Variants in SLIT1 observed in about 807,000 individuals in gnomAD.
The protein encoded by SLIT1 is slit homolog 1 protein.
Under a neutral mutation model 186.1 loss-of-function variants are expected in SLIT1, and 66 were observed. That is an observed-to-expected ratio of 0.35 (90% CI 0.29 to 0.44). SLIT1 has a LOEUF of 0.44. Ranked by LOEUF, SLIT1 falls within the 20% of genes least tolerant of loss-of-function variation. SLIT1 has a pLI of 1.00. For synonymous variants in SLIT1, 761 were observed against 833.8 expected, an observed-to-expected ratio of 0.91 and a Z score of 1.50; for missense variants, 1,638 against 2,037.4, an observed-to-expected ratio of 0.80 and a Z score of 3.77.
At chr10:97,097,977 C>T (rs1849309237) in intron 4 of SLIT1, among the ~76,000 whole-genome samples, 1 of 152,186 alleles carries the variant, frequency 6.6e-6, no homozygotes, top group East Asian at 1.9e-4. Context: ...TTAATGTTAT[C>T]ATGTTGATAT....
chr10:97,100,755 TG>T (rs773764879), intron 4 of SLIT1, among the ~76,000 whole-genome samples: 3 of 152,148 alleles, frequency 2.0e-5, no homozygotes, highest in Non-Finnish European at 2.9e-5. Context: ...TTTTAAGGCA[TG>T]TCAGTGATAC....
At chr10:97,067,114 C>T (rs1290736721) in intron 4 of SLIT1, among the ~76,000 whole-genome samples, 2 of 152,180 alleles carry the variant, frequency 1.3e-5, no homozygotes, top group African/African-American at 4.8e-5. Context: ...TTGTGGACTG[C>T]AGGCAACAGG....
At chr10:97,119,471 C>T (rs1385067697) in intron 4 of SLIT1, among the ~76,000 whole-genome samples, 3 of 152,164 alleles carry the variant, frequency 2.0e-5, no homozygotes, top group South Asian at 2.1e-4. Flanking sequence ...TGGGGCCTTG[C>T]TAATTAATCT....
chr10:97,017,673 C>T (rs1468714536), intron 28 of SLIT1, among the ~76,000 whole-genome samples: 1 of 152,154 alleles, frequency 6.6e-6, no homozygotes, highest in Non-Finnish European at 1.5e-5. Flanking sequence ...GCAAACAGGC[C>T]TTGGCTCCCA....
intron 4 of SLIT1, among the ~76,000 whole-genome samples, chr10:97,084,857 T>G (rs1162359386): frequency 6.6e-6 from 1 of 152,022 alleles, no homozygotes; most frequent in Non-Finnish European, 1.5e-5. Flanking sequence ...TCTGCCTGCC[T>G]TGGCCTCCCA....
chr10:97,110,775 G>A (rs556567654), intron 4 of SLIT1, among the ~76,000 whole-genome samples: 2 of 152,150 alleles, frequency 1.3e-5, no homozygotes, highest in African/African-American at 2.4e-5. Flanking sequence ...GCTTTGCTAC[G>A]TTCTTTTGCT....
chr10:97,125,135 A>G (rs1207596129), intron 4 of SLIT1, among the ~76,000 whole-genome samples: 1 of 152,206 alleles, frequency 6.6e-6, no homozygotes, highest in African/African-American at 2.4e-5. Context: ...CAGCTTTTCT[A>G]AACAGCAACT....
At position 97,055,747 on chromosome 10, in the gene SLIT1, AT is replaced by A. The variant is rs1170386796; in HGVS notation, c.1301+573del. On this transcript the variant is annotated intron_variant, in intron 13 of 36. Coordinates refer to ENST00000266058, the MANE Select transcript of SLIT1 (RefSeq NM_003061.3). ...AAATTACCAGATTTATTGCTCTCTA[AT>A]TTTTTTATTCACAGTCACCATTGTC... Among the ~76,000 whole-genome samples, 4 of 152,032 alleles carry A rather than the reference AT, an allele frequency of 2.6e-5. No homozygotes were observed. In the East Asian group the frequency reaches 7.7e-4, roughly 29 times the overall value.
intron 4 of SLIT1, among the ~76,000 whole-genome samples, chr10:97,156,764 G>C (rs1849957312): frequency 6.6e-6 from 1 of 152,006 alleles, no homozygotes; most frequent in Admixed American, 6.6e-5. Flanking sequence ...GGTAACCTTA[G>C]GGTGCCACTC....
chr10:97,031,645 G>A lies in SLIT1; in HGVS notation c.2471C>T (p.Pro824Leu), dbSNP rs2817673. ...GCGGAGTCCCTGGAAGGCCAAAGGC[G>A]GGATGCACTGCAGGGCATTGTAGCT... ...ILSYNALQCI[P>L]PLAFQGLRSL... Residue 824 changes from proline (P) to leucine (L), a missense_variant, in exon 24 of 37, where the codon CCG becomes CTG. Coordinates refer to ENST00000266058, the MANE Select transcript of SLIT1 (RefSeq NM_003061.3). 1,907 of 1,552,150 alleles carry A rather than the reference G, an allele frequency of 1.2e-3. 20 individuals carry two copies. The African/African-American group carries it at 0.024, about 19-fold the overall frequency.
rs952702060 is a variant in SLIT1, at chr10:97,163,260, G to A, written c.341+120C>T. 6.4e-6 allele frequency: 5 copies of A among 786,396 alleles called. No homozygotes were observed. In the African/African-American group the frequency reaches 8.5e-5, roughly 13 times the overall value. The allele number at this position is 786,396 out of a possible 1,614,324, so 48.7% of individuals were successfully genotyped here. The stretch of plus-strand genomic sequence containing the variant: ...CTCCTGGCTCCATCCGCTGGTGGAG[G>A]CAGGCTGGGCATGGGGTCCCCTCCC... On this transcript the variant is annotated intron_variant, in intron 3 of 36. Coordinates refer to ENST00000266058, the MANE Select transcript of SLIT1 (RefSeq NM_003061.3).
At chr10:97,079,877 G>A (rs1224740593) in intron 4 of SLIT1, among the ~76,000 whole-genome samples, 1 of 152,218 alleles carries the variant, frequency 6.6e-6, no homozygotes, top group Non-Finnish European at 1.5e-5. Flanking sequence ...AGACTTCCAG[G>A]TCATGGGGTA....
At chr10:97,106,498 C>A (rs1388446581) in intron 4 of SLIT1, among the ~76,000 whole-genome samples, 5 of 152,096 alleles carry the variant, frequency 3.3e-5, no homozygotes, top group African/African-American at 9.7e-5. Context: ...TGCCAGACTG[C>A]AAAGGAAGGA....
rs1849839341 is a variant in SLIT1, at chr10:97,148,327, C to A, written c.413+9491G>T. On this transcript the variant is annotated intron_variant, in intron 4 of 36. Coordinates refer to ENST00000266058, the MANE Select transcript of SLIT1 (RefSeq NM_003061.3). ...TTCCTGAGGCAGGGTCTCGCTCTGTCACCCAGACTGGAGTGCAGTGGCACA... is the reference window on the plus strand; with the variant it reads ...TTCCTGAGGCAGGGTCTCGCTCTGTAACCCAGACTGGAGTGCAGTGGCACA... Among the ~76,000 whole-genome samples the A allele has an allele frequency of 2.0e-5, 3 of 150,774 alleles. 1 individual carries two copies. The South Asian group carries it at 6.3e-4, about 32-fold the overall frequency.
Position 97,047,721 on chromosome 10 carries a change from G to A in SLIT1, c.1603C>T (p.Pro535Ser). The part of the protein sequence containing the change: ...ECSSLKLTKI[P>S]ERIPQSTAEL... ...GCCGTGGACTGGGGGATGCGCTCAGGGATCTTGGTGAGCTTCAGGCTGGAG... is the reference window on the plus strand; with the variant it reads ...GCCGTGGACTGGGGGATGCGCTCAGAGATCTTGGTGAGCTTCAGGCTGGAG... Residue 535 changes from proline (P) to serine (S), a missense_variant, in exon 16 of 37, where the codon CCT becomes TCT. By Grantham distance (74) the Pro-to-Ser change is moderately conservative. Coordinates refer to ENST00000266058, the MANE Select transcript of SLIT1 (RefSeq NM_003061.3). 1 of 1,614,016 alleles carries A rather than the reference G, an allele frequency of 6.2e-7. No individual in the cohort carries two copies. The highest frequency in any genetic ancestry group is 8.5e-7 in the Non-Finnish European group (1 of 1,180,038).
chr10:97,067,652 GA>G (rs1848960753), intron 4 of SLIT1, among the ~76,000 whole-genome samples: 1 of 152,166 alleles, frequency 6.6e-6, no homozygotes, highest in Admixed American at 6.5e-5. Context: ...CCATTTCACA[GA>G]GGAGGGAGCT....
chr10:97,076,290 T>A (rs548719358), intron 4 of SLIT1, among the ~76,000 whole-genome samples: 1 of 152,130 alleles, frequency 6.6e-6, no homozygotes, highest in South Asian at 2.1e-4. Flanking sequence ...GGCCAGGGAA[T>A]GGGAGACAGA....
intron 23 of SLIT1, 32 bp from the exon 24 acceptor site, chr10:97,031,709 G>A: frequency 2.0e-6 from 3 of 1,512,342 alleles, no homozygotes; most frequent in African/African-American, 1.4e-5. Flanking sequence ...GAAGGGCACT[G>A]TGTTAGTGCC....
At chr10:97,119,991 T>C (rs943953139) in intron 4 of SLIT1, among the ~76,000 whole-genome samples, 3 of 142,508 alleles carry the variant, frequency 2.1e-5, no homozygotes, top group Middle Eastern at 3.8e-3. Flanking sequence ...TTAACAAACA[T>C]TTATCTGTCA....
Sources: gnomAD v4.1 joint callset for allele counts (sites outside exome capture counted in the v4.1 genomes callset) on GRCh38, gnomAD v4.1.1 for gene constraint, MANE v1.5 for transcripts, NCBI Gene and HGNC (gene_info 2026-07-23, HGNC 2026-07-21) for gene names.